Variants in ARSG observed in about 807,000 individuals in gnomAD.
The protein encoded by ARSG is ASG.
In ARSG, 37 loss-of-function variants were observed where a neutral mutation model predicts 50.5. The ratio of observed to expected loss-of-function variants is 0.73; its 90% CI spans 0.56 to 0.96. The LOEUF (loss-of-function observed/expected upper bound fraction) is 0.96, where lower values mean the gene tolerates loss of function less well. Ranked by LOEUF, ARSG falls within the 50% of genes least tolerant of loss-of-function variation. The pLI is 0.00. For missense variants in ARSG, 629 were observed against 675.3 expected (o/e 0.93, Z 0.76); for synonymous variants, 225 against 254.6 (o/e 0.88, Z 1.11).
intron 10 of ARSG, among the ~76,000 whole-genome samples, chr17:68,396,312 C>T (rs950553954): frequency 3.9e-5 from 6 of 152,250 alleles, no homozygotes; most frequent in African/African-American, 1.2e-4. Flanking sequence ...CCACTGTATC[C>T]GACCTGCAGC....
chr17:68,263,841 ATTTC>A (rs1397726638), intron 1 of ARSG, among the ~76,000 whole-genome samples: 1 of 151,916 alleles, frequency 6.6e-6, no homozygotes, highest in African/African-American at 2.4e-5. Context: ...AAGGATCATG[ATTTC>A]TTTTTTATTT....
intron 2 of ARSG, among the ~76,000 whole-genome samples, chr17:68,332,582 A>C (rs894670065): frequency 1.3e-5 from 2 of 152,228 alleles, no homozygotes; most frequent in African/African-American, 4.8e-5. Context: ...CAGGCATAAG[A>C]AATTATAAAA....
At chr17:68,397,600 G>T (rs1170209539) in intron 10 of ARSG, among the ~76,000 whole-genome samples, 4 of 151,990 alleles carry the variant, frequency 2.6e-5, no homozygotes, top group African/African-American at 9.7e-5. Context: ...TATGGGGGAG[G>T]CTTGAAGGTA....
chr17:68,343,115 T>A (rs1169499162), intron 2 of ARSG, among the ~76,000 whole-genome samples: 1 of 152,206 alleles, frequency 6.6e-6, no homozygotes, highest in Non-Finnish European at 1.5e-5. Context: ...TCTGGGTTTC[T>A]TTTTCCTGAA....
intron 11 of ARSG, among the ~76,000 whole-genome samples, chr17:68,404,875 G>A (rs2081637157): frequency 6.6e-6 from 1 of 152,122 alleles, no homozygotes; most frequent in Admixed American, 6.5e-5. Context: ...GCATAAGTAA[G>A]GGTCCAACTT....
the ARSG span, among the ~76,000 whole-genome samples, chr17:68,435,338 G>A: frequency 5.3e-5 from 8 of 152,254 alleles, no homozygotes; most frequent in East Asian, 1.9e-4. Context: ...GCATTTGTCC[G>A]TCTCTACGGC....
intron 1 of ARSG, among the ~76,000 whole-genome samples, chr17:68,264,909 T>G (rs1366669512): frequency 5.3e-5 from 8 of 151,254 alleles, no homozygotes; most frequent in African/African-American, 1.9e-4. Flanking sequence ...ATCCCAACAC[T>G]TTGGGAGGCC....
intron 2 of ARSG, among the ~76,000 whole-genome samples, chr17:68,317,433 T>G (rs2077109179): frequency 6.6e-6 from 1 of 152,024 alleles, no homozygotes; most frequent in South Asian, 2.1e-4. Context: ...GCTCAAAGAT[T>G]GACTACATGA....
At chr17:68,423,066 A>G (rs2082913085), downstream of ARSG, among the ~76,000 whole-genome samples, 1 of 152,200 alleles carries the variant, frequency 6.6e-6, no homozygotes, top group Admixed American at 6.5e-5. This position sits in a 1 kb window ranked among gnomAD's most constrained non-coding sequence, Gnocchi z 4.4. Flanking sequence ...GAGCTCCTGT[A>G]GCAGACTACT....
chr17:68,375,862 G>A (rs1009662180), intron 8 of ARSG, among the ~76,000 whole-genome samples: 10 of 152,088 alleles, frequency 6.6e-5, no homozygotes, highest in African/African-American at 2.2e-4. Context: ...TGGGGCCAGC[G>A]TTCAACGATC....
At chr17:68,433,543 A>G in the ARSG span, 1 of 1,614,040 alleles carries the variant, frequency 6.2e-7, no homozygotes, top group Non-Finnish European at 8.5e-7. Context: ...TTGTGAATCC[A>G]TACTGAACAC....
chr17:68,397,763 A>T (rs550711763), intron 10 of ARSG, among the ~76,000 whole-genome samples: 18 of 151,954 alleles, frequency 1.2e-4, no homozygotes, highest in African/African-American at 3.6e-4. Context: ...GTTTTAATTT[A>T]ATTTAATTTT....
At chr17:68,307,781 C>T (rs2076665787) in intron 2 of ARSG, 70 bp downstream of exon 2, 8 of 833,526 alleles carry the variant, frequency 9.6e-6, no homozygotes, top group South Asian at 7.6e-5. Flanking sequence ...GGGAAGGGGC[C>T]GTGCAAAGCA....
intron 6 of ARSG, among the ~76,000 whole-genome samples, chr17:68,360,018 G>A (rs763018777): frequency 5.3e-5 from 8 of 152,168 alleles, no homozygotes; most frequent in Admixed American, 2.0e-4. Flanking sequence ...TGCTTTTGTG[G>A]TGACTCAAAC....
intron 8 of ARSG, among the ~76,000 whole-genome samples, chr17:68,373,233 ATTT>A (rs35645634): frequency 7.4e-6 from 1 of 135,896 alleles, no homozygotes; most frequent in African/African-American, 2.7e-5. Context: ...TTATTTTTCA[ATTT>A]TTTTTTTTTT....
chr17:68,299,100 CTTTTTTTTTT>C (rs201821256), intron 1 of ARSG, among the ~76,000 whole-genome samples: 3 of 105,584 alleles, frequency 2.8e-5, no homozygotes, highest in East Asian at 5.2e-4. Flanking sequence ...AAAAATTGAA[CTTTTTTTTTT>C]TTTTTTTTTT....
At chr17:68,397,827 C>T (rs1377748803) in intron 10 of ARSG, among the ~76,000 whole-genome samples, 1 of 152,076 alleles carries the variant, frequency 6.6e-6, no homozygotes, top group Non-Finnish European at 1.5e-5. Context: ...AGTGCAGCGG[C>T]ACAATCTTGG....
At chr17:68,430,079 C>T in the ARSG span, 182 of 1,614,070 alleles carry the variant, frequency 1.1e-4, no homozygotes, top group Non-Finnish European at 1.5e-4. Context: ...TCATGTCTGA[C>T]ACCTGGGTAG....
intron 2 of ARSG, among the ~76,000 whole-genome samples, chr17:68,321,130 T>C (rs1318038812): frequency 2.0e-5 from 3 of 152,006 alleles, no homozygotes; most frequent in Non-Finnish European, 4.4e-5. Flanking sequence ...TCCTTGCTCC[T>C]GTAAATAGTC....
Sources: gnomAD v4.1 joint callset for allele counts (sites outside exome capture counted in the v4.1 genomes callset) on GRCh38, gnomAD v4.1.1 for gene constraint, Gnocchi (gnomAD v3.1) non-coding constraint, MANE v1.5 for transcripts, NCBI Gene and HGNC (gene_info 2026-07-23, HGNC 2026-07-21) for gene names.